CLVS1: variants seen among roughly 807,000 people sequenced by gnomAD.
CLVS1 encodes the protein clavesin 1.
Under a neutral mutation model 33.1 loss-of-function variants are expected in CLVS1, and 10 were observed. The observed-to-expected ratio is 0.30, with a 90% CI of 0.19 to 0.51. The LOEUF (loss-of-function observed/expected upper bound fraction) is 0.51. CLVS1 is among the 20% of genes least tolerant of loss of function. CLVS1 has a pLI of 0.97. For synonymous variants in CLVS1, 163 were observed against 166.1 expected (o/e 0.98, Z 0.14); for missense variants, 343 against 433.4 (o/e 0.79, Z 1.85).
chr8:61,308,972 A>T (rs1285200676), intron 2 of CLVS1, among the ~76,000 whole-genome samples: 2 of 152,210 alleles, frequency 1.3e-5, no homozygotes, highest in Non-Finnish European at 2.9e-5. Flanking sequence ...TTAAGTGGCA[A>T]AGTAGCCCAA....
the CLVS1 span, among the ~76,000 whole-genome samples, chr8:60,968,247 C>T: frequency 2.0e-5 from 3 of 152,348 alleles, no homozygotes; most frequent in South Asian, 2.1e-4. Context: ...CAGTGGCTCA[C>T]GCCCGTAATC....
chr8:61,391,519 A>C (rs1276140254), intron 3 of CLVS1, among the ~76,000 whole-genome samples: 2 of 152,232 alleles, frequency 1.3e-5, no homozygotes, highest in Non-Finnish European at 2.9e-5. Context: ...ATTCTAAAGT[A>C]CATAGTCATA....
intron 3 of CLVS1, among the ~76,000 whole-genome samples, chr8:61,388,475 G>C (rs1176877446): frequency 6.6e-6 from 1 of 151,552 alleles, no homozygotes; most frequent in Non-Finnish European, 1.5e-5. Flanking sequence ...TGAAAATTTT[G>C]AGCCTAAAAA....
intron 1 of CLVS1, among the ~76,000 whole-genome samples, chr8:61,079,400 A>G (rs1804981977): frequency 1.3e-5 from 2 of 152,172 alleles, no homozygotes; most frequent in Non-Finnish European, 2.9e-5. Flanking sequence ...GTAATATGTT[A>G]AACTGCAATC....
chr8:61,423,795 C>G (rs1815774472), intron 3 of CLVS1, among the ~76,000 whole-genome samples: 1 of 152,160 alleles, frequency 6.6e-6, no homozygotes, highest in Non-Finnish European at 1.5e-5. Flanking sequence ...CACACACACC[C>G]TAGTGTCTCT....
At position 61,100,926 on chromosome 8, in the gene CLVS1, A is replaced by G. The variant is rs190140924; in HGVS notation, c.-242-30844A>G. On this transcript the variant is annotated intron_variant, in intron 1 of 2. Transcript: ENST00000522621. ...ACTTCATTTTTTTTGGTATTGTTGA[A>G]TAATACTCTATTGTATGGATATAAT... Among the ~76,000 whole-genome samples the G allele has an allele frequency of 1.9e-3, 284 of 152,274 alleles. 2 individuals are homozygous for G. Among genetic ancestry groups the G allele is most frequent in the African/African-American group, 4.4e-3 (183 of 41,562 alleles).
upstream of CLVS1, among the ~76,000 whole-genome samples, chr8:61,056,000 G>A (rs1490631520): frequency 6.6e-6 from 1 of 152,244 alleles, no homozygotes. Flanking sequence ...AAAAGCTCAT[G>A]AGGACTACAC....
rs1239268097 is a variant in CLVS1 at position 61,500,726 on chromosome 8, C to CCAT, written c.*1186_*1188dup. 6.6e-6 allele frequency: 1 copy of CCAT among 152,156 alleles called. No homozygotes were observed. Among genetic ancestry groups the CCAT allele is most frequent in the East Asian group, 1.9e-4 (1 of 5,200 alleles). The allele number at this position is 152,156 out of a possible 1,614,324, so 9.4% of individuals were successfully genotyped here. ...TTTTAGACATCTCTTATTCGCCCAG[C>CCAT]CATCTGCATGACATGGGTATTTATT... On this transcript the variant is annotated 3_prime_UTR_variant, in exon 6 of 6. Coordinates refer to ENST00000325897, the MANE Select transcript of CLVS1 (RefSeq NM_173519.3).
At chr8:61,072,784 A>G (rs1264574743) in intron 1 of CLVS1, among the ~76,000 whole-genome samples, 1 of 152,226 alleles carries the variant, frequency 6.6e-6, no homozygotes, top group Non-Finnish European at 1.5e-5. Context: ...AACCATAAGT[A>G]TATGTTTGCT....
chr8:61,465,885 A>C (rs1292146569), intron 5 of CLVS1: 1 of 152,194 alleles, frequency 6.6e-6, no homozygotes, highest in Non-Finnish European at 1.5e-5. Flanking sequence ...GATGGTCTCG[A>C]TCTCTTGACT....
chr8:61,249,188 G>T (rs1164295465), intron 2 of CLVS1, among the ~76,000 whole-genome samples: 1 of 152,068 alleles, frequency 6.6e-6, no homozygotes, highest in African/African-American at 2.4e-5. Flanking sequence ...TTCTGTCCCA[G>T]TGTTAATTTG....
intron 2 of CLVS1, among the ~76,000 whole-genome samples, chr8:61,185,041 A>G (rs549751567): frequency 4.3e-4 from 66 of 152,102 alleles, no homozygotes; most frequent in African/African-American, 1.6e-3. Flanking sequence ...CTAGACACAT[A>G]TTTTCCAAAA....
intron 2 of CLVS1, among the ~76,000 whole-genome samples, chr8:61,256,244 G>T (rs1421633914): frequency 6.6e-6 from 1 of 152,226 alleles, no homozygotes; most frequent in Non-Finnish European, 1.5e-5. Context: ...GCCAGGCGCG[G>T]TGGCTCACGC....
chr8:61,085,711 T>G (rs971019416), intron 1 of CLVS1, among the ~76,000 whole-genome samples: 1 of 126,118 alleles, frequency 7.9e-6, no homozygotes. Context: ...GCCAAAATGG[T>G]GAAACCCCAT....
intron 2 of CLVS1, among the ~76,000 whole-genome samples, chr8:61,190,895 C>A (rs910656943): frequency 3.9e-5 from 6 of 151,970 alleles, no homozygotes; most frequent in African/African-American, 1.4e-4. Flanking sequence ...GCTTACCAAT[C>A]AAAAAAAGTC....
intron 2 of CLVS1, among the ~76,000 whole-genome samples, chr8:61,281,208 G>A (rs1202230031): frequency 2.6e-5 from 4 of 152,300 alleles, no homozygotes; most frequent in Non-Finnish European, 5.9e-5. Flanking sequence ...TTGTTAAGCT[G>A]TGTGAGAAGG....
chr8:61,022,721 T>C, the CLVS1 span, among the ~76,000 whole-genome samples: 1 of 152,232 alleles, frequency 6.6e-6, no homozygotes, highest in Non-Finnish European at 1.5e-5. Context: ...CCAGTGCTAA[T>C]GAAGGCCCTT....
intron 5 of CLVS1, among the ~76,000 whole-genome samples, chr8:61,464,095 A>C (rs1418187527): frequency 1.3e-5 from 2 of 151,980 alleles, no homozygotes; most frequent in Non-Finnish European, 2.9e-5. Flanking sequence ...TCTCAAAAAA[A>C]AAAAAAAAAA....
At chr8:61,142,767 T>C (rs949703367) in intron 2 of CLVS1, among the ~76,000 whole-genome samples, 1 of 152,188 alleles carries the variant, frequency 6.6e-6, no homozygotes, top group African/African-American at 2.4e-5. Flanking sequence ...GGGAAACAGA[T>C]ACACACCTTC....
Sources: gnomAD v4.1 joint callset for allele counts (sites outside exome capture counted in the v4.1 genomes callset) on GRCh38, gnomAD v4.1.1 for gene constraint, MANE v1.5 for transcripts, NCBI Gene and HGNC (gene_info 2026-07-23, HGNC 2026-07-21) for gene names.